STAC: variants seen among roughly 807,000 people sequenced by gnomAD.
STAC encodes SH3 and cysteine-rich domain-containing protein.
Under a neutral mutation model 48.8 loss-of-function variants are expected in STAC, and 43 were observed. The ratio of observed to expected loss-of-function variants is 0.88; its 90% CI spans 0.69 to 1.14. The LOEUF is 1.14. Among genes scored for constraint, STAC ranks in the 50% most tolerant of loss-of-function variants. The pLI is 0.00. For synonymous variants in STAC, 193 were observed against 179.5 expected, an observed-to-expected ratio of 1.07 and a Z score of -0.60; for missense variants, 497 against 504.0, an observed-to-expected ratio of 0.99 and a Z score of 0.13.
At chr3:36,527,537 G>A (rs1028690054) in intron 8 of STAC, among the ~76,000 whole-genome samples, 24 of 151,896 alleles carry the variant, frequency 1.6e-4, no homozygotes, top group African/African-American at 5.6e-4. Context: ...ATAAAATTGA[G>A]AAAAAAATTT....
intron 8 of STAC, among the ~76,000 whole-genome samples, chr3:36,509,083 C>T (rs115199424): frequency 0.11 from 17,026 of 152,118 alleles, 1,036 homozygotes; most frequent in Non-Finnish European, 0.12. Context: ...TTTAGTGTTT[C>T]CTTCAGGAGC....
At chr3:36,542,390 G>A (rs1007343749) in intron 10 of STAC, among the ~76,000 whole-genome samples, 6 of 152,142 alleles carry the variant, frequency 3.9e-5, no homozygotes, top group African/African-American at 4.8e-5. Flanking sequence ...AGAATTTAGC[G>A]TGGCTTGCAT....
chr3:36,423,035 T>C (rs1223280760), intron 1 of STAC, among the ~76,000 whole-genome samples: 4 of 152,114 alleles, frequency 2.6e-5, no homozygotes, highest in African/African-American at 4.8e-5. Context: ...AAAGGAGTAG[T>C]TGTACTCCTT....
chr3:36,449,070 G>A (rs1388009371), intron 2 of STAC, among the ~76,000 whole-genome samples: 1 of 152,022 alleles, frequency 6.6e-6, no homozygotes, highest in African/African-American at 2.4e-5. Flanking sequence ...GATGAGCTAT[G>A]ATCACACCAC....
chr3:36,441,765 A>T (rs1696357585), intron 1 of STAC, among the ~76,000 whole-genome samples: 1 of 152,168 alleles, frequency 6.6e-6, no homozygotes, highest in Admixed American at 6.5e-5. Flanking sequence ...TGTCTTTTTG[A>T]TAACAGCCAT....
chr3:36,491,921 C>T (rs1473087332), intron 5 of STAC, among the ~76,000 whole-genome samples: 1 of 138,194 alleles, frequency 7.2e-6, no homozygotes, highest in Non-Finnish European at 1.5e-5. Context: ...AGCTGAGGCA[C>T]AAGAATCGCT....
intron 2 of STAC, among the ~76,000 whole-genome samples, chr3:36,457,625 G>A (rs547275800): frequency 2.3e-4 from 35 of 152,280 alleles, no homozygotes; most frequent in East Asian, 1.5e-3. Flanking sequence ...ACATGAAATT[G>A]TGAACACTGC....
At chr3:36,394,076 C>A (rs143673303) in intron 1 of STAC, among the ~76,000 whole-genome samples, 1 of 151,904 alleles carries the variant, frequency 6.6e-6, no homozygotes, top group Non-Finnish European at 1.5e-5. Context: ...GAGTAAACAA[C>A]AGGAAAAATA....
intron 10 of STAC, among the ~76,000 whole-genome samples, chr3:36,533,475 GTTTTTTTTTTTTTTT>G (rs58981589): frequency 1.6e-5 from 1 of 61,396 alleles, no homozygotes; most frequent in Non-Finnish European, 2.9e-5. Context: ...TTGCTAGCAT[GTTTTTTTTTTTTTTT>G]TTTTTTTTTT....
chr3:36,442,965 C>T (rs1328916287), intron 1 of STAC, among the ~76,000 whole-genome samples: 1 of 152,254 alleles, frequency 6.6e-6, no homozygotes, highest in South Asian at 2.1e-4. Flanking sequence ...GAGAGAAAGG[C>T]CAGCTTTACA....
chr3:36,461,530 G>A (rs1444806778), intron 2 of STAC, among the ~76,000 whole-genome samples: 1 of 152,104 alleles, frequency 6.6e-6, no homozygotes, highest in Non-Finnish European at 1.5e-5. Flanking sequence ...AGGTAAGAAG[G>A]TGATTGATGA....
chr3:36,505,692 C>T, intron 7 of STAC, 54 bp from the exon 8 acceptor site: 1 of 1,224,566 alleles, frequency 8.2e-7, no homozygotes, highest in Admixed American at 2.2e-5. Context: ...TTTCTTTCCT[C>T]TCTCAATTTA....
At chr3:36,418,937 C>G (rs796470777) in intron 1 of STAC, among the ~76,000 whole-genome samples, 10 of 151,850 alleles carry the variant, frequency 6.6e-5, no homozygotes, top group African/African-American at 2.4e-4. Context: ...CTCCCAGCTA[C>G]CCGGGAGGCT....
chr3:36,484,107 A>G (rs150265001), intron 3 of STAC, among the ~76,000 whole-genome samples: 2 of 152,352 alleles, frequency 1.3e-5, no homozygotes, highest in Admixed American at 1.3e-4. Flanking sequence ...AAAATTTAGA[A>G]GAGTAACTCC....
chr3:36,481,176 C>T (rs1408441459), intron 2 of STAC, among the ~76,000 whole-genome samples: 3 of 152,052 alleles, frequency 2.0e-5, no homozygotes, highest in African/African-American at 7.2e-5. Context: ...AATTAAAGAG[C>T]TCGAGTATTC....
chr3:36,470,661 T>C (rs1008098644), intron 2 of STAC, among the ~76,000 whole-genome samples: 1 of 152,254 alleles, frequency 6.6e-6, no homozygotes, highest in Non-Finnish European at 1.5e-5. Flanking sequence ...TCAGCTTTCC[T>C]GGTATGCTCC....
intron 8 of STAC, among the ~76,000 whole-genome samples, chr3:36,515,975 C>CT (rs1203330014): frequency 0.019 from 1,190 of 61,146 alleles, 9 homozygotes; most frequent in Non-Finnish European, 0.023. Context: ...CATTTTTCTC[C>CT]TTTTTTTTTT....
At chr3:36,444,448 T>C (rs1488503504) in intron 2 of STAC, among the ~76,000 whole-genome samples, 3 of 148,270 alleles carry the variant, frequency 2.0e-5, no homozygotes, top group Non-Finnish European at 4.6e-5. Context: ...TTATTGCATC[T>C]TCTCTCTACT....
rs868828945 is a variant in STAC, at chr3:36,398,539, G to A, written c.111+17785G>A. ...AGAAAGAGAGAGAAAGAAAGAAAGA[G>A]AGGTAAAGAGAAAGAGAGAGGGAAG... is the stretch of plus-strand genomic sequence containing the variant. On this transcript the variant is annotated intron_variant, in intron 1 of 10. Coordinates refer to ENST00000273183, the MANE Select transcript of STAC (RefSeq NM_003149.3). Among the ~76,000 whole-genome samples, 84 of 45,192 alleles carry A rather than the reference G, an allele frequency of 1.9e-3. 10 individuals are homozygous for A. The highest frequency in any genetic ancestry group is 2.6e-3 in the Non-Finnish European group (65 of 25,314). The allele number at this position is 45,192 out of a possible 152,430, so 29.6% of individuals were successfully genotyped here.
Sources: allele counts gnomAD v4.1 joint callset (sites outside exome capture counted in the v4.1 genomes callset), GRCh38; gene constraint gnomAD v4.1.1; transcripts MANE v1.5; gene names NCBI Gene and HGNC (gene_info 2026-07-23, HGNC 2026-07-21).